The following GSG1 variants were observed in gnomAD, a reference collection of about 807,000 sequenced individuals.
The protein encoded by GSG1 is germ cell-specific gene 1 protein.
GSG1 carries 28 observed loss-of-function variants against 30.8 expected under a neutral mutation model. The ratio of observed to expected loss-of-function variants is 0.91; its 90% CI spans 0.67 to 1.25. The LOEUF (loss-of-function observed/expected upper bound fraction) is 1.25, where lower values mean the gene tolerates loss of function less well. Among genes scored for constraint, GSG1 ranks in the 50% most tolerant of loss-of-function variants. GSG1 has a pLI of 0.00. For synonymous variants in GSG1, 162 were observed against 178.0 expected, an observed-to-expected ratio of 0.91 and a Z score of 0.71; for missense variants, 435 against 444.7, an observed-to-expected ratio of 0.98 and a Z score of 0.20.
At chr12:13,087,057 A>T (rs1029552340) in intron 6 of GSG1, 95 bp downstream of exon 6, 3 of 762,808 alleles carry the variant, frequency 3.9e-6, no homozygotes, top group Non-Finnish European at 4.6e-6. Flanking sequence ...GATGAAGAGA[A>T]GGCAGGGCTT....
At position 13,084,905 on chromosome 12, in the gene GSG1, C is replaced by G; in HGVS notation, c.1085G>C (p.Cys362Ser). The change falls in exon 7 of 7, where the codon TGT becomes TCT. Residue 362 changes from cysteine to serine, a missense_variant. Cys to Ser is a moderately radical substitution (Grantham distance 112). Transcript: ENST00000651961. The part of the protein sequence containing the change: ...AVRSSVEEEQ[C>S] ...CTCCCCAAACCCGCTTAACTCCTAA[C>G]ACTGCTCTTCCTCTACAGATGACCT... The G allele has an allele frequency of 1.3e-6, 2 of 1,545,592 alleles. No homozygotes were observed. The highest frequency in any genetic ancestry group is 4.9e-5 in the East Asian group (2 of 40,858).
At chr12:13,089,964 G>T (rs1334174264) in intron 2 of GSG1, among the ~76,000 whole-genome samples, 1 of 152,128 alleles carries the variant, frequency 6.6e-6, no homozygotes, top group Non-Finnish European at 1.5e-5. Context: ...CAATAGAATC[G>T]CTTGAACCTG....
At position 13,087,211 on chromosome 12, in the gene GSG1, A is replaced by G. The variant is rs375397349; in HGVS notation, c.687T>C (p.Thr229=). Residue 229 remains threonine (T), a synonymous_variant, in exon 6 of 7, where the codon ACT becomes ACC. Transcript: ENST00000651961. ...HMMYSQVFQA[T]VNLGPEDWRP... ...TCCAGTCTTCTGGACCCAAGTTGACAGTCGCTTGGAAGACTTGTGAATACA... is the reference window on the plus strand; with the variant it reads ...TCCAGTCTTCTGGACCCAAGTTGACGGTCGCTTGGAAGACTTGTGAATACA... 1.0e-4 allele frequency: 166 copies of G among 1,614,074 alleles called. No individual in the cohort carries two copies. Among genetic ancestry groups the G allele is most frequent in the Non-Finnish European group, 1.4e-4 (164 of 1,180,004 alleles).
chr12:13,086,743 A>G (rs1344373626), intron 6 of GSG1, among the ~76,000 whole-genome samples: 2 of 152,160 alleles, frequency 1.3e-5, no homozygotes, highest in African/African-American at 4.8e-5. Context: ...AGAGAATGCA[A>G]TTCAATCCAA....
Position 13,085,235 on chromosome 12 carries a change from C to A in GSG1, c.755G>T (p.Trp252Leu). 1 of 1,601,880 alleles carries A rather than the reference C, an allele frequency of 6.2e-7. No homozygotes were observed. The highest frequency in any genetic ancestry group is 8.5e-7 in the Non-Finnish European group (1 of 1,172,402). The change falls in exon 7 of 7, where the codon TGG becomes TTG. Residue 252 changes from tryptophan to leucine, a missense_variant. By Grantham distance (61) the Trp-to-Leu change is moderately conservative (BLOSUM62 -2). Transcript: ENST00000651961. ...CGCCATGCAGCAGGTGAAGGAGAGCCAGGCCATGCTAGGGACAAATGCACA... is the reference window on the plus strand; with the variant it reads ...CGCCATGCAGCAGGTGAAGGAGAGCAAGGCCATGCTAGGGACAAATGCACA... ...WNYGWAFYMA[W>L]LSFTCCMASA...
chr12:13,089,007 G>T, intron 3 of GSG1, 98 bp from the exon 4 acceptor site: 1 of 1,444,980 alleles, frequency 6.9e-7, no homozygotes, highest in Non-Finnish European at 9.6e-7. Context: ...CCTCTGCTCT[G>T]ACAGCACCTG....
chr12:13,100,706 C>T (rs1005397155), intron 1 of GSG1, among the ~76,000 whole-genome samples: 3 of 152,216 alleles, frequency 2.0e-5, no homozygotes, highest in African/African-American at 4.8e-5. Flanking sequence ...TCACACGGGA[C>T]ATTTTCACAT....
Position 13,093,773 on chromosome 12 carries a change from G to C in GSG1, c.49-2955C>G, listed in dbSNP as rs376524216. Among the ~76,000 whole-genome samples, 3 of 152,154 alleles carry C rather than the reference G, an allele frequency of 2.0e-5. No individual in the cohort carries two copies. The highest frequency in any genetic ancestry group is 7.2e-5 in the African/African-American group (3 of 41,438). ...CAGTGGGGACATAGGGGAGGCTGCC[G>C]AAAGAACTGAGGCCCCAGATGGCTC... On this transcript the variant is annotated intron_variant, in intron 1 of 6. Transcript: ENST00000651961. The surrounding 1 kb of genome is among the most constrained non-coding windows in gnomAD (Gnocchi z 4.6).
intron 4 of GSG1, among the ~76,000 whole-genome samples, chr12:13,088,526 G>A (rs1377744043): frequency 1.3e-5 from 2 of 152,182 alleles, no homozygotes; most frequent in African/African-American, 2.4e-5. Context: ...ACAAGAGTAG[G>A]TTAGCACTGT....
intron 1 of GSG1, among the ~76,000 whole-genome samples, chr12:13,099,750 G>GTTTTGTT (rs1863022060): frequency 5.2e-5 from 6 of 114,828 alleles, no homozygotes; most frequent in Non-Finnish European, 5.4e-5. Flanking sequence ...GTTTTTTTTT[G>GTTTTGTT]TTTTTTTTTT....
At chr12:13,096,186 T>C (rs1375288056) in intron 1 of GSG1, among the ~76,000 whole-genome samples, 1 of 152,102 alleles carries the variant, frequency 6.6e-6, no homozygotes, top group Non-Finnish European at 1.5e-5. Context: ...TTAGAATAAG[T>C]ACTATTGCCG....
chr12:13,101,497 AGGGACT>A lies in GSG1; in HGVS notation c.48+1962_48+1967del, dbSNP rs1183407394. Reference sequence around the variant, plus strand: ...TGTCCCGGGGGCCCTCCCAGAGAGCAGGGACTGCCAGGGCAGGCCAGGGACCCGGCG... The same window carrying A: ...TGTCCCGGGGGCCCTCCCAGAGAGCAGCCAGGGCAGGCCAGGGACCCGGCG... On this transcript the variant is annotated intron_variant, in intron 1 of 6. Coordinates refer to ENST00000651961, the MANE Select transcript of GSG1 (RefSeq NM_001080555.4). The surrounding 1 kb of genome is among the most constrained non-coding windows in gnomAD (Gnocchi z 5.8). Among the ~76,000 whole-genome samples, 1 of 152,136 alleles carries A rather than the reference AGGGACT, an allele frequency of 6.6e-6. No individual in the cohort carries two copies. The highest frequency in any genetic ancestry group is 2.4e-5 in the African/African-American group (1 of 41,434).
intron 1 of GSG1, among the ~76,000 whole-genome samples, chr12:13,099,761 T>TG (rs201800864): frequency 0.04 from 5,927 of 148,872 alleles, 417 homozygotes; most frequent in East Asian, 0.31. Flanking sequence ...TTTTTTTTTT[T>TG]TTTTTTTGTT....
rs1865380864 is a variant in GSG1 at position 13,085,053 on chromosome 12, T to G, written c.937A>C (p.Thr313Pro). Residue 313 changes from threonine to proline, a missense_variant, in exon 7 of 7, where the codon ACC becomes CCC. Transcript: ENST00000651961. ...SSAAPTVGPLTSYHQYHNQPI... is the reference protein window; with the variant it reads ...SSAAPTVGPLPSYHQYHNQPI... The stretch of plus-strand genomic sequence containing the variant: ...TGATTATGATACTGGTGGTAGCTGG[T>G]CAAAGGACCCACGGTGGGGGCTGCA... 1.9e-6 allele frequency: 3 copies of G among 1,597,986 alleles called. No individual in the cohort carries two copies. Among genetic ancestry groups the G allele is most frequent in the Non-Finnish European group, 2.6e-6 (3 of 1,171,706 alleles).
At chr12:13,090,271 GA>G (rs1159359316) in intron 2 of GSG1, among the ~76,000 whole-genome samples, 1 of 152,210 alleles carries the variant, frequency 6.6e-6, no homozygotes, top group African/African-American at 2.4e-5. Flanking sequence ...GGGAGGAAGT[GA>G]AAATCCAGAG....
rs748581818 is a variant in GSG1 at position 13,087,949 on chromosome 12, G to C, written c.592C>G (p.Leu198Val). The change falls in exon 5 of 7, where the codon CTC becomes GTC. Residue 198 changes from leucine to valine, a missense_variant. Physicochemically the swap from Leu to Val is conservative, Grantham distance 32 (BLOSUM62 1). Transcript: ENST00000651961. ...ACAGCAGCAAAGGCGCTCAGTTTGA[G>C]CCCACAGGCAGGGTTCCCAGTGAGT... The part of the protein sequence containing the change: ...LLLTGNPACG[L>V]KLSAFAAVSS... The C allele has an allele frequency of 1.9e-6, 3 of 1,614,228 alleles. No individual in the cohort carries two copies. The highest frequency in any genetic ancestry group is 2.5e-6 in the Non-Finnish European group (3 of 1,180,044).
In GSG1 at chr12:13,087,907, C is replaced by T. The variant is rs569643105; in HGVS notation, c.634G>A (p.Gly212Ser). 4 of 1,613,680 alleles carry T rather than the reference C, an allele frequency of 2.5e-6. No individual in the cohort carries two copies. In the Admixed American group the frequency reaches 6.7e-5, roughly 27 times the overall value. Residue 212 changes from glycine (G) to serine (S), a missense_variant and splice_region_variant, in exon 5 of 7, where the codon GGT becomes AGT. By Grantham distance (56) the Gly-to-Ser change is moderately conservative. Transcript: ENST00000651961. ...AFAAVSSVLS[G>S]LLGMVAHMMY... ...CTCTCTCACTCCAGGAGCAACTCACCTGACAGGACAGAGGAAACAGCAGCA... is the reference window on the plus strand; with the variant it reads ...CTCTCTCACTCCAGGAGCAACTCACTTGACAGGACAGAGGAAACAGCAGCA...
rs1863235816 is a variant in GSG1, at chr12:13,101,870, A to G, written c.48+1595T>C. Reference sequence around the variant, plus strand: ...CCGAGTTCTATTTACGACCCAATGCACGACTGCACTGAGGATTTTGGCCAA... The same window carrying G: ...CCGAGTTCTATTTACGACCCAATGCGCGACTGCACTGAGGATTTTGGCCAA... On this transcript the variant is annotated intron_variant, in intron 1 of 6. Transcript: ENST00000651961. This position sits in a 1 kb window ranked among gnomAD's most constrained non-coding sequence, Gnocchi z 5.8. 6.6e-6 allele frequency among the ~76,000 whole-genome samples: 1 copy of G among 152,296 alleles called. No homozygotes were observed. Among genetic ancestry groups the G allele is most frequent in the Non-Finnish European group, 1.5e-5 (1 of 68,018 alleles).
At chr12:13,087,104 G>GT (rs1865606285) in intron 6 of GSG1, 48 bp downstream of exon 6, 1 of 1,302,022 alleles carries the variant, frequency 7.7e-7, no homozygotes, top group African/African-American at 1.5e-5. Flanking sequence ...AGAAAATCTC[G>GT]TGAAGGTTGG....
Sources: gnomAD v4.1 joint callset for allele counts (sites outside exome capture counted in the v4.1 genomes callset) on GRCh38, gnomAD v4.1.1 for gene constraint, Gnocchi (gnomAD v3.1) non-coding constraint, MANE v1.5 for transcripts, NCBI Gene and HGNC (gene_info 2026-07-23, HGNC 2026-07-21) for gene names.